COBLL1: variants seen among roughly 807,000 people sequenced by gnomAD.
COBLL1 encodes cordon-bleu protein-like 1.
Under a neutral mutation model 94.8 loss-of-function variants are expected in COBLL1, and 50 were observed. That is an observed-to-expected ratio of 0.53 (90% CI 0.42 to 0.67). COBLL1 has a LOEUF of 0.67. COBLL1 is among the 30% of genes least tolerant of loss of function. The pLI is 0.00. For synonymous variants in COBLL1, 448 were observed against 473.8 expected, an observed-to-expected ratio of 0.95 and a Z score of 0.71; for missense variants, 1,362 against 1,348.7, an observed-to-expected ratio of 1.01 and a Z score of -0.15.
intron 9 of COBLL1, among the ~76,000 whole-genome samples, chr2:164,701,932 A>G (rs1684294990): frequency 6.6e-6 from 1 of 151,908 alleles, no homozygotes; most frequent in African/African-American, 2.4e-5. Flanking sequence ...GTAGCATCCA[A>G]TTATAGTAAT....
intron 2 of COBLL1, among the ~76,000 whole-genome samples, chr2:164,744,476 G>C (rs1055828449): frequency 7.2e-5 from 11 of 151,960 alleles, no homozygotes; most frequent in Non-Finnish European, 1.5e-4. Context: ...CTTTTGGGGG[G>C]TACCAGTTTC....
chr2:164,719,634 T>C (rs527367111), intron 7 of COBLL1, among the ~76,000 whole-genome samples: 1 of 152,248 alleles, frequency 6.6e-6, no homozygotes. Context: ...CCTCTTCTTA[T>C]AAGGATACCT....
At chr2:164,786,449 T>C (rs531985263) in intron 2 of COBLL1, among the ~76,000 whole-genome samples, 10 of 152,246 alleles carry the variant, frequency 6.6e-5, no homozygotes, top group South Asian at 4.1e-4. Flanking sequence ...ACTTGAGATG[T>C]TGAAGTAGAA....
At chr2:164,764,979 T>C (rs1393391033) in intron 2 of COBLL1, among the ~76,000 whole-genome samples, 2 of 152,106 alleles carry the variant, frequency 1.3e-5, no homozygotes, top group African/African-American at 2.4e-5. Flanking sequence ...TTTAAAGAAT[T>C]CTAGATAATA....
intron 2 of COBLL1, among the ~76,000 whole-genome samples, chr2:164,758,940 T>C (rs1244163615): frequency 6.6e-6 from 1 of 151,920 alleles, no homozygotes; most frequent in Admixed American, 6.6e-5. Context: ...GTTAAAAAGT[T>C]TTAGTTGATT....
chr2:164,773,184 CG>C (rs1390656424), intron 2 of COBLL1, among the ~76,000 whole-genome samples: 1 of 127,464 alleles, frequency 7.8e-6, no homozygotes, highest in African/African-American at 3.3e-5. Flanking sequence ...GTCCAGTACC[CG>C]AAGAAAATAC....
At chr2:164,705,126 A>C in intron 7 of COBLL1, 21 bp from the exon 8 acceptor site, 1 of 1,490,124 alleles carries the variant, frequency 6.7e-7, no homozygotes, top group Non-Finnish European at 8.9e-7. Flanking sequence ...AAATGACCAA[A>C]TAAAATCCTA....
intron 2 of COBLL1, among the ~76,000 whole-genome samples, chr2:164,800,309 G>A (rs139632222): frequency 6.6e-6 from 1 of 152,214 alleles, no homozygotes; most frequent in African/African-American, 2.4e-5. Context: ...TGGCAAATAA[G>A]CACATGAAAA....
At chr2:164,687,484 T>G in intron 13 of COBLL1, 2 of 1,453,392 alleles carry the variant, frequency 1.4e-6, no homozygotes, top group Non-Finnish European at 1.9e-6. Context: ...CTCAATCACA[T>G]GCTCCTTGTT....
In COBLL1 at chr2:164,832,339, C is replaced by T. The variant is rs184781747; in HGVS notation, c.41+8817G>A. On this transcript the variant is annotated intron_variant, in intron 2 of 13. Transcript: ENST00000652658. Reference sequence around the variant, plus strand: ...TAATTTTTAAAAATATACCAGAATACCTACCAATTACTTGGTGTTAATCCC... The same window carrying T: ...TAATTTTTAAAAATATACCAGAATATCTACCAATTACTTGGTGTTAATCCC... 1.5e-3 allele frequency among the ~76,000 whole-genome samples: 225 copies of T among 152,232 alleles called. 2 individuals carry two copies. Among genetic ancestry groups the T allele is most frequent in the Middle Eastern group, 0.01 (3 of 294 alleles).
At chr2:164,818,008 C>G (rs1375746866) in intron 2 of COBLL1, among the ~76,000 whole-genome samples, 1 of 151,796 alleles carries the variant, frequency 6.6e-6, no homozygotes, top group Non-Finnish European at 1.5e-5. Flanking sequence ...TGTGTATTTA[C>G]TTTTTCATAT....
At chr2:164,686,781 C>T (rs1384566557) in intron 13 of COBLL1, among the ~76,000 whole-genome samples, 3 of 152,082 alleles carry the variant, frequency 2.0e-5, no homozygotes, top group Admixed American at 1.3e-4. Context: ...TATTTTGAAA[C>T]ATCATACTTG....
intron 2 of COBLL1, among the ~76,000 whole-genome samples, chr2:164,662,662 CATT>C (rs1691090283): frequency 6.6e-6 from 1 of 152,082 alleles, no homozygotes; most frequent in African/African-American, 2.4e-5. Flanking sequence ...AACGGTTTAC[CATT>C]ATCCCTTTGG....
In COBLL1 at chr2:164,694,322, T is replaced by A. The variant is rs1683778156; in HGVS notation, c.3070A>T (p.Thr1024Ser). 6.2e-7 allele frequency: 1 copy of A among 1,613,764 alleles called. No individual in the cohort carries two copies. The highest frequency in any genetic ancestry group is 8.5e-7 in the Non-Finnish European group (1 of 1,179,872). ...QPPANTEEGKTHSVNKFVDIP... is the reference protein window; with the variant it reads ...QPPANTEEGKSHSVNKFVDIP... Reference sequence around the variant, plus strand: ...TCCACAAATTTATTTACAGAATGAGTCTTCCCTTCCTCTGTGTTGGCTGGA... The same window carrying A: ...TCCACAAATTTATTTACAGAATGAGACTTCCCTTCCTCTGTGTTGGCTGGA... The change falls in exon 12 of 14, where the codon ACT (threonine) becomes TCT (serine). Residue 1024 changes from threonine to serine, a missense_variant. Transcript: ENST00000652658.
chr2:164,694,093 T>A (rs552884067), intron 12 of COBLL1, among the ~76,000 whole-genome samples, 176 bp downstream of exon 12: 1 of 152,296 alleles, frequency 6.6e-6, no homozygotes, highest in African/African-American at 2.4e-5. Context: ...ATATAAGTTA[T>A]AATTGTGAGC....
chr2:164,761,454 C>T (rs1388454426), intron 2 of COBLL1: 1 of 119,274 alleles, frequency 8.4e-6, no homozygotes, highest in East Asian at 2.6e-4. Flanking sequence ...GAAACTCCAT[C>T]TCAAAAAAAA....
intron 2 of COBLL1, among the ~76,000 whole-genome samples, chr2:164,797,942 C>T (rs1484102652): frequency 6.6e-6 from 1 of 152,202 alleles, no homozygotes; most frequent in Non-Finnish European, 1.5e-5. Context: ...CATCATTACA[C>T]TAAGCCAGAA....
At chr2:164,763,020 T>C (rs1274485350) in intron 2 of COBLL1, among the ~76,000 whole-genome samples, 2 of 152,102 alleles carry the variant, frequency 1.3e-5, no homozygotes, top group Non-Finnish European at 2.9e-5. Context: ...TTTAAAAAAA[T>C]AAAGGTTTGC....
intron 2 of COBLL1, among the ~76,000 whole-genome samples, chr2:164,757,062 C>T (rs1687446537): frequency 6.6e-6 from 1 of 152,132 alleles, no homozygotes; most frequent in African/African-American, 2.4e-5. Flanking sequence ...CTAGGTGTCA[C>T]TTTCAGAGAT....
Sources: gnomAD v4.1 joint callset for allele counts (sites outside exome capture counted in the v4.1 genomes callset) on GRCh38, gnomAD v4.1.1 for gene constraint, MANE v1.5 for transcripts, NCBI Gene and HGNC (gene_info 2026-07-23, HGNC 2026-07-21) for gene names.